Variants in TRERF1 observed in about 807,000 individuals in gnomAD.
TRERF1 encodes the protein transcriptional regulating factor 1.
TRERF1 carries 27 observed loss-of-function variants against 122.9 expected under a neutral mutation model. The ratio of observed to expected loss-of-function variants is 0.22; its 90% confidence interval spans 0.16 to 0.30. The LOEUF (loss-of-function observed/expected upper bound fraction) is 0.30. Among genes scored for constraint, TRERF1 ranks in the 10% least tolerant of loss-of-function variants. The pLI is 1.00. For missense variants in TRERF1, 1,248 were observed against 1,560.3 expected (o/e 0.80, Z 3.37); for synonymous variants, 636 against 641.7 (o/e 0.99, Z 0.13).
intron 3 of TRERF1, among the ~76,000 whole-genome samples, chr6:42,301,278 G>A (rs1390915430): frequency 1.3e-5 from 2 of 152,178 alleles, no homozygotes; most frequent in Non-Finnish European, 2.9e-5. Flanking sequence ...TGCCCAGGCT[G>A]GAGTGCAATG....
At chr6:42,434,285 C>T (rs1784914934) in intron 2 of TRERF1, among the ~76,000 whole-genome samples, 1 of 151,698 alleles carries the variant, frequency 6.6e-6, no homozygotes, top group African/African-American at 2.4e-5. Context: ...CTAAAACTGA[C>T]CAAAAACACA....
chr6:42,392,921 T>TACACACACAAAC (rs1407835106), intron 2 of TRERF1, among the ~76,000 whole-genome samples: 1 of 42,960 alleles, frequency 2.3e-5, no homozygotes, highest in African/African-American at 7.9e-5. Context: ...CACACACACA[T>TACACACACAAAC]ACACACACAT....
At chr6:42,360,384 T>C (rs1235315213) in intron 3 of TRERF1, among the ~76,000 whole-genome samples, 1 of 152,228 alleles carries the variant, frequency 6.6e-6, no homozygotes, top group Non-Finnish European at 1.5e-5. Context: ...GAAGATATAT[T>C]TAACCTACTA....
chr6:42,323,866 G>A (rs990070607), intron 3 of TRERF1, among the ~76,000 whole-genome samples: 11 of 152,198 alleles, frequency 7.2e-5, no homozygotes, highest in Admixed American at 6.5e-5. Context: ...GAGATGGGCT[G>A]TTTGCCAGGC....
chr6:42,334,456 T>C (rs965446691), intron 3 of TRERF1, among the ~76,000 whole-genome samples: 10 of 152,228 alleles, frequency 6.6e-5, no homozygotes. Context: ...TCAAATCTCA[T>C]TACAAGAAAG....
At position 42,449,466 on chromosome 6, in the gene TRERF1, GA is replaced by G. The variant is rs531374974; in HGVS notation, c.-454+1710del. Among the ~76,000 whole-genome samples, 601 of 115,542 alleles carry G rather than the reference GA, an allele frequency of 5.2e-3. 2 individuals are homozygous for G. Among genetic ancestry groups the G allele is most frequent in the African/African-American group, 0.011 (350 of 32,068 alleles). 75.8% of individuals were successfully genotyped at this position (115,542 alleles called of 152,430 possible). ...CGCAAGAACATTCTCGGTAGAAGAG[GA>G]AAAAAAAAAAAAACTACTGTGACTT... On this transcript the variant is annotated intron_variant, in intron 2 of 17. Transcript: ENST00000372922.
intron 3 of TRERF1, among the ~76,000 whole-genome samples, chr6:42,317,530 T>A (rs530623598): frequency 2.0e-3 from 300 of 151,798 alleles, no homozygotes; most frequent in African/African-American, 6.4e-3. Context: ...AATTAAAAAA[T>A]TTTTTATAGA....
Position 42,228,440 on chromosome 6 carries a change from A to G in TRERF1, c.3508T>C (p.Leu1170=). Residue 1170 remains leucine, a synonymous_variant, in exon 18 of 18, where the codon TTG becomes CTG. Coordinates refer to ENST00000372922, the Ensembl canonical transcript of TRERF1. The surrounding 1 kb of genome is among the most constrained non-coding windows in gnomAD (Gnocchi z 4.2). The stretch of plus-strand genomic sequence containing the variant: ...TCAGCCTCTTCCATGACACCTCCCA[A>G]CTGCTGGACGACGTCGTCGTCGAGG... 1 of 1,614,080 alleles carries G rather than the reference A, an allele frequency of 6.2e-7. No individual in the cohort carries two copies. The highest frequency in any genetic ancestry group is 1.1e-5 in the South Asian group (1 of 91,084).
chr6:42,410,981 G>A (rs1350953079), intron 2 of TRERF1, among the ~76,000 whole-genome samples: 1 of 152,202 alleles, frequency 6.6e-6, no homozygotes, highest in Non-Finnish European at 1.5e-5. Context: ...CTGGAGAGAT[G>A]CTGGCAATCT....
intron 7 of TRERF1, among the ~76,000 whole-genome samples, chr6:42,264,130 TAA>T (rs1778725685): frequency 6.6e-6 from 1 of 152,256 alleles, no homozygotes; most frequent in South Asian, 2.1e-4. Context: ...AGATTTAAAT[TAA>T]GAGTAACAAT....
At chr6:42,277,844 T>G (rs1197077229) in intron 4 of TRERF1, among the ~76,000 whole-genome samples, 4 of 95,548 alleles carry the variant, frequency 4.2e-5, no homozygotes, top group Non-Finnish European at 4.6e-5. Context: ...AATAAATAAA[T>G]AAGAAGAAGA....
Position 42,229,110 on chromosome 6 carries a change from T to C in TRERF1, c.3279-441A>G, listed in dbSNP as rs560058963. Among the ~76,000 whole-genome samples the C allele has an allele frequency of 3.9e-5, 6 of 152,138 alleles. No individual in the cohort carries two copies. The South Asian group carries it at 1.2e-3, about 32-fold the overall frequency. On this transcript the variant is annotated intron_variant, in intron 17 of 17. Coordinates refer to ENST00000372922, the Ensembl canonical transcript of TRERF1. ...GGCCTCTGTCCCTGTTCCTCCACAG[T>C]TGAAAGTTGTTGGTTTTGTTGTTGT...
intron 2 of TRERF1, among the ~76,000 whole-genome samples, chr6:42,371,825 C>A (rs1042637188): frequency 2.0e-5 from 3 of 152,148 alleles, no homozygotes; most frequent in Admixed American, 6.5e-5. Context: ...AGGGGGAAAT[C>A]TTGCCCTGTA....
intron 2 of TRERF1, among the ~76,000 whole-genome samples, chr6:42,422,300 G>T (rs1782890847): frequency 6.6e-6 from 1 of 151,938 alleles, no homozygotes; most frequent in Admixed American, 6.6e-5. Flanking sequence ...CAGGCAGATT[G>T]CTTGAGCTCA....
rs1194284830 is a variant in TRERF1 at position 42,393,672 on chromosome 6, T to C, written c.-453-30593A>G. Among the ~76,000 whole-genome samples the C allele has an allele frequency of 5.9e-5, 9 of 152,204 alleles. No homozygotes were observed. Among genetic ancestry groups the C allele is most frequent in the African/African-American group, 9.6e-5 (4 of 41,452 alleles). ...CAAATCCGCTGCAGCATTAGGTGAA[T>C]GAGCAAAAGAAATGGAAGGCAATTT... On this transcript the variant is annotated intron_variant, in intron 2 of 17. Coordinates refer to ENST00000372922, the Ensembl canonical transcript of TRERF1. This position sits in a 1 kb window ranked among gnomAD's most constrained non-coding sequence, Gnocchi z 4.1.
intron 3 of TRERF1, among the ~76,000 whole-genome samples, chr6:42,304,388 C>A (rs941349085): frequency 2.0e-5 from 3 of 152,174 alleles, no homozygotes; most frequent in African/African-American, 4.8e-5. Flanking sequence ...TCAGTGAGAG[C>A]GTAGGTCCCT....
intron 7 of TRERF1, among the ~76,000 whole-genome samples, chr6:42,264,362 A>G (rs1453057573): frequency 6.6e-6 from 1 of 152,260 alleles, no homozygotes; most frequent in Non-Finnish European, 1.5e-5. Context: ...GGAAGGCCCC[A>G]GTGGGCCTGG....
intron 3 of TRERF1, among the ~76,000 whole-genome samples, chr6:42,343,310 C>T (rs1023633423): frequency 2.0e-5 from 3 of 152,152 alleles, no homozygotes; most frequent in Non-Finnish European, 4.4e-5. Context: ...CCACAAGAAA[C>T]CATATTTAAA....
chr6:42,230,361 A>G (rs1049538536), intron 17 of TRERF1, among the ~76,000 whole-genome samples: 7 of 150,726 alleles, frequency 4.6e-5, no homozygotes, highest in African/African-American at 7.3e-5. Flanking sequence ...TAAGACTCCA[A>G]AAAAAAAAAC....
Sources: allele counts gnomAD v4.1 joint callset (sites outside exome capture counted in the v4.1 genomes callset), GRCh38; gene constraint gnomAD v4.1.1; non-coding constraint Gnocchi (gnomAD v3.1); transcripts MANE v1.5; gene names NCBI Gene and HGNC (gene_info 2026-07-23, HGNC 2026-07-21).